CARMIL1: variants seen among roughly 807,000 people sequenced by gnomAD.
CARMIL1 encodes the protein capping protein regulator and myosin 1 linker 1.
Under a neutral mutation model 177.1 loss-of-function variants are expected in CARMIL1, and 90 were observed. The observed-to-expected ratio is 0.51, with a 90% CI of 0.43 to 0.61. CARMIL1 has a LOEUF of 0.61. CARMIL1 is among the 20% of genes least tolerant of loss of function. The pLI is 0.00. For missense variants in CARMIL1, 1,380 were observed against 1,667.0 expected, an observed-to-expected ratio of 0.83 and a Z score of 3.00; for synonymous variants, 577 against 606.2, an observed-to-expected ratio of 0.95 and a Z score of 0.71.
intron 12 of CARMIL1, among the ~76,000 whole-genome samples, chr6:25,485,053 C>CA (rs972272967): frequency 3.4e-4 from 51 of 151,822 alleles, no homozygotes; most frequent in African/African-American, 1.2e-3. Context: ...AAAACAAAAA[C>CA]AAAAAAATGA....
At chr6:25,386,134 C>T (rs935355799) in intron 2 of CARMIL1, among the ~76,000 whole-genome samples, 1 of 152,224 alleles carries the variant, frequency 6.6e-6, no homozygotes, top group Non-Finnish European at 1.5e-5. Flanking sequence ...AGAATTAATA[C>T]ATTTAATAAT....
In CARMIL1 at chr6:25,465,888, C is replaced by T; in HGVS notation, c.630C>T (p.Ile210=). 6.2e-6 allele frequency: 10 copies of T among 1,611,742 alleles called. No individual in the cohort carries two copies. The highest frequency in any genetic ancestry group is 8.5e-6 in the Non-Finnish European group (10 of 1,177,962). ...CTGCTTCCAGGGACCTAATACCTAT[C>T]ATTGCTGCTCTGGAATATAATCAGT... ...SHLDHRDLIP[I]IAALEYNQWF... The change falls in exon 9 of 37, where the codon ATC becomes ATT. Residue 210 remains isoleucine, a synonymous_variant. Coordinates refer to ENST00000329474, the MANE Select transcript of CARMIL1 (RefSeq NM_017640.6).
At chr6:25,430,531 G>A (rs1162800739) in intron 4 of CARMIL1, among the ~76,000 whole-genome samples, 1 of 151,496 alleles carries the variant, frequency 6.6e-6, no homozygotes, top group African/African-American at 2.4e-5. Flanking sequence ...TCGGGACCAA[G>A]CGATCCTCTC....
chr6:25,309,395 A>T (rs147570754), intron 2 of CARMIL1, among the ~76,000 whole-genome samples: 1 of 150,270 alleles, frequency 6.7e-6, no homozygotes, highest in African/African-American at 2.5e-5. Context: ...CATACCATAC[A>T]TTTCACCTGT....
At chr6:25,391,534 T>G (rs1197156273) in intron 2 of CARMIL1, among the ~76,000 whole-genome samples, 2 of 152,220 alleles carry the variant, frequency 1.3e-5, no homozygotes, top group African/African-American at 4.8e-5. Flanking sequence ...TTGAGGTTGG[T>G]CTGGAATTTG....
At chr6:25,356,531 A>T (rs1375710881) in intron 2 of CARMIL1, among the ~76,000 whole-genome samples, 1 of 152,190 alleles carries the variant, frequency 6.6e-6, no homozygotes, top group African/African-American at 2.4e-5. Context: ...TAGGGTGTAA[A>T]CCTCACCAAG....
At chr6:25,441,335 ATATG>A (rs1409995795) in intron 5 of CARMIL1, among the ~76,000 whole-genome samples, 4 of 66,838 alleles carry the variant, frequency 6.0e-5, no homozygotes, top group Non-Finnish European at 1.2e-4. Flanking sequence ...ATATATATAT[ATATG>A]TGTGTGTGTG....
intron 2 of CARMIL1, among the ~76,000 whole-genome samples, chr6:25,336,484 C>G (rs145094237): frequency 1.8e-3 from 271 of 152,318 alleles, no homozygotes; most frequent in Non-Finnish European, 2.7e-3. Context: ...AACCCAGCTC[C>G]TAGCTGTGTG....
At chr6:25,366,457 C>A (rs1489286001) in intron 2 of CARMIL1, among the ~76,000 whole-genome samples, 1 of 151,816 alleles carries the variant, frequency 6.6e-6, no homozygotes. Context: ...TCACCCTCAC[C>A]CCATTCTGCT....
chr6:25,485,454 C>T (rs1172420283), intron 12 of CARMIL1, among the ~76,000 whole-genome samples: 3 of 152,192 alleles, frequency 2.0e-5, no homozygotes, highest in Non-Finnish European at 4.4e-5. Context: ...CTCGCTCTGT[C>T]GCTCGGGCTG....
intron 23 of CARMIL1, among the ~76,000 whole-genome samples, chr6:25,525,301 TGTAA>T (rs1443128476): frequency 2.0e-5 from 3 of 152,102 alleles, no homozygotes; most frequent in African/African-American, 7.2e-5. Flanking sequence ...TCAGAAACCA[TGTAA>T]GTAAGAAGAG....
chr6:25,530,963 A>G (rs774691356), intron 24 of CARMIL1, among the ~76,000 whole-genome samples: 3 of 152,264 alleles, frequency 2.0e-5, no homozygotes, highest in African/African-American at 4.8e-5. Flanking sequence ...TTATTGCTAC[A>G]TAACAGATTG....
intron 27 of CARMIL1, among the ~76,000 whole-genome samples, chr6:25,551,999 A>G (rs1357150766): frequency 6.6e-6 from 1 of 152,164 alleles, no homozygotes; most frequent in Non-Finnish European, 1.5e-5. Flanking sequence ...TAGAACTTTG[A>G]GGATTTAGAA....
At chr6:25,355,147 G>A (rs1788467056) in intron 2 of CARMIL1, among the ~76,000 whole-genome samples, 1 of 152,162 alleles carries the variant, frequency 6.6e-6, no homozygotes, top group Non-Finnish European at 1.5e-5. Flanking sequence ...AAGCCCTTTG[G>A]TTTCCTACAT....
chr6:25,346,492 C>T (rs1055515572), intron 2 of CARMIL1, among the ~76,000 whole-genome samples: 5 of 152,208 alleles, frequency 3.3e-5, no homozygotes, highest in Non-Finnish European at 5.9e-5. Context: ...TTTCCACACC[C>T]CTCCTGACAC....
intron 2 of CARMIL1, among the ~76,000 whole-genome samples, chr6:25,306,003 A>G (rs909112231): frequency 2.6e-5 from 4 of 152,194 alleles, no homozygotes; most frequent in Non-Finnish European, 5.9e-5. Flanking sequence ...GGCATGAAGT[A>G]TATTCTCAAT....
At chr6:25,387,114 CAAAA>C (rs377548646) in intron 2 of CARMIL1, among the ~76,000 whole-genome samples, 24 of 101,962 alleles carry the variant, frequency 2.4e-4, no homozygotes, top group African/African-American at 7.6e-4. Flanking sequence ...ACTCTGTCTC[CAAAA>C]AAAAAAAAAA....
chr6:25,556,903 T>G, intron 29 of CARMIL1, 53 bp downstream of exon 29: 2 of 1,468,998 alleles, frequency 1.4e-6, no homozygotes, highest in Non-Finnish European at 1.8e-6. Context: ...ACTGTGCCAT[T>G]GTTTTTTTTT....
chr6:25,287,911 A>G (rs1340730885), intron 2 of CARMIL1, among the ~76,000 whole-genome samples: 4 of 152,206 alleles, frequency 2.6e-5, no homozygotes, highest in Non-Finnish European at 5.9e-5. Context: ...CTAGTTTTAT[A>G]TTTATTGAGA....
Sources: gnomAD v4.1 joint callset for allele counts (sites outside exome capture counted in the v4.1 genomes callset) on GRCh38, gnomAD v4.1.1 for gene constraint, MANE v1.5 for transcripts, NCBI Gene and HGNC (gene_info 2026-07-23, HGNC 2026-07-21) for gene names.